Variants in PDZD8 observed in about 807,000 individuals in gnomAD.
The protein encoded by PDZD8 is PDZ domain-containing protein 8.
A neutral mutation model predicts 85.8 loss-of-function variants in PDZD8; 14 were observed. That is an observed-to-expected ratio of 0.16 (90% CI 0.11 to 0.26). The LOEUF (loss-of-function observed/expected upper bound fraction) is 0.26, where lower values mean the gene tolerates loss of function less well. Ranked by LOEUF, PDZD8 falls within the 10% of genes least tolerant of loss-of-function variation. The probability of loss-of-function intolerance (pLI) is 1.00; values close to 1 mark genes in which losing one functional copy is unlikely to be tolerated. For synonymous variants in PDZD8, 592 were observed against 568.6 expected (o/e 1.04, Z -0.59); for missense variants, 1,197 against 1,424.3 (o/e 0.84, Z 2.57).
At chr10:117,350,955 A>T (rs1398929419) in intron 1 of PDZD8, among the ~76,000 whole-genome samples, 2 of 152,008 alleles carry the variant, frequency 1.3e-5, no homozygotes, top group Non-Finnish European at 2.9e-5. Context: ...AGCTTAGGGC[A>T]GGAAAGTAAA....
intron 1 of PDZD8, among the ~76,000 whole-genome samples, chr10:117,350,876 C>G (rs1028343818): frequency 2.8e-5 from 4 of 142,650 alleles, no homozygotes; most frequent in African/African-American, 1.1e-4. Context: ...TGCACTCCAG[C>G]CTGGGTGACA....
At chr10:117,328,797 A>G (rs1352192759) in intron 2 of PDZD8, among the ~76,000 whole-genome samples, 1 of 152,154 alleles carries the variant, frequency 6.6e-6, no homozygotes, top group African/African-American at 2.4e-5. Flanking sequence ...TCATAAATAA[A>G]AGCCAATTAG....
chr10:117,362,508 T>C (rs1845015936), intron 1 of PDZD8, among the ~76,000 whole-genome samples: 1 of 152,090 alleles, frequency 6.6e-6, no homozygotes, highest in African/African-American at 2.4e-5. Flanking sequence ...AGAGGCCAAG[T>C]TACTTTCAAG....
rs193056658 is a variant in PDZD8, at chr10:117,371,708, G to C, written c.872+2648C>G. ...CCAGCACTTTGGGAGGCTGAGGTGG[G>C]AGGATCACTTGAATGAACCCAGGAG... is the stretch of plus-strand genomic sequence containing the variant. On this transcript the variant is annotated intron_variant, in intron 1 of 4. Transcript: ENST00000334464. Among the ~76,000 whole-genome samples, 486 of 152,312 alleles carry C rather than the reference G, an allele frequency of 3.2e-3. 3 individuals carry two copies. The highest frequency in any genetic ancestry group is 6.6e-3 in the Admixed American group (101 of 15,306).
At chr10:117,294,327 C>CAAAAAAAA (rs71013656) in intron 3 of PDZD8, among the ~76,000 whole-genome samples, 32 of 142,560 alleles carry the variant, frequency 2.2e-4, no homozygotes, top group African/African-American at 8.4e-4. Context: ...ACCAAAAAGA[C>CAAAAAAAA]AAAAAAAAAA....
chr10:117,324,979 G>A (rs1253635471), intron 2 of PDZD8, among the ~76,000 whole-genome samples: 2 of 152,068 alleles, frequency 1.3e-5, no homozygotes, highest in South Asian at 2.1e-4. Context: ...ATTTATGAAA[G>A]TTTCTTAAGA....
Position 117,284,908 on chromosome 10 carries a change from G to T in PDZD8, c.1825C>A (p.Gln609Lys), listed in dbSNP as rs1263636694. 1 of 1,614,210 alleles carries T rather than the reference G, an allele frequency of 6.2e-7. No homozygotes were observed. Among genetic ancestry groups the T allele is most frequent in the Admixed American group, 1.7e-5 (1 of 60,028 alleles). Residue 609 changes from glutamine (Q) to lysine (K), a missense_variant, in exon 5 of 5, where the codon CAG becomes AAG. Physicochemically the swap from Gln to Lys is moderately conservative, Grantham distance 53. Transcript: ENST00000334464. The part of the protein sequence containing the change: ...VPLPSADAPN[Q>K]AEPDVLVEKP... ...TCAACGAGAACATCTGGTTCTGCCT[G>T]ATTTGGAGCATCGGCGGAAGGCAAA...
chr10:117,365,409 TAC>T (rs547430370), intron 1 of PDZD8, among the ~76,000 whole-genome samples: 88 of 152,288 alleles, frequency 5.8e-4, no homozygotes, highest in Non-Finnish European at 1.0e-3. Context: ...CAAATTATAA[TAC>T]ATTTAGAAAA....
chr10:117,290,163 A>C, intron 4 of PDZD8, 23 bp downstream of exon 4: 2 of 1,602,526 alleles, frequency 1.2e-6, no homozygotes, highest in Non-Finnish European at 1.7e-6. Flanking sequence ...AAGGTAAAGT[A>C]TAATGCATAT....
chr10:117,361,965 G>C (rs1278697845), intron 1 of PDZD8, among the ~76,000 whole-genome samples: 1 of 152,112 alleles, frequency 6.6e-6, no homozygotes, highest in African/African-American at 2.4e-5. Context: ...TCAGGGACTT[G>C]AGCATCTGTG....
At position 117,374,992 on chromosome 10, in the gene PDZD8, G is replaced by A; in HGVS notation, c.236C>T (p.Thr79Ile). 6.3e-7 allele frequency: 1 copy of A among 1,593,184 alleles called. No individual in the cohort carries two copies. Among genetic ancestry groups the A allele is most frequent in the South Asian group, 1.1e-5 (1 of 89,428 alleles). ...GGGGGTCTCGGGGGCCGCGGTGGGG[G>A]TCGCGCCGCCCTCAGGGGCCGCTCC... is the stretch of plus-strand genomic sequence containing the variant. ...PSGAAPEGGA[T>I]PTAAPETPAP... is the part of the protein sequence containing the mutation. The change falls in exon 1 of 5, where the codon ACC becomes ATC. Residue 79 changes from threonine to isoleucine, a missense_variant. By Grantham distance (89) the Thr-to-Ile change is moderately conservative (BLOSUM62 -1). Coordinates refer to ENST00000334464, the MANE Select transcript of PDZD8 (RefSeq NM_173791.5). This position sits in a 1 kb window ranked among gnomAD's most constrained non-coding sequence, Gnocchi z 7.8.
At chr10:117,372,678 A>G (rs1479186647) in intron 1 of PDZD8, among the ~76,000 whole-genome samples, 1 of 152,218 alleles carries the variant, frequency 6.6e-6, no homozygotes, top group Non-Finnish European at 1.5e-5. Context: ...TAGGTTTCAT[A>G]AAGTATGTTC....
At chr10:117,327,271 G>T (rs895562477) in intron 2 of PDZD8, among the ~76,000 whole-genome samples, 7 of 152,176 alleles carry the variant, frequency 4.6e-5, no homozygotes, top group African/African-American at 1.4e-4. Context: ...TCTCACCTAG[G>T]TGAGACTGTG....
chr10:117,371,017 A>T (rs1845180574), intron 1 of PDZD8, among the ~76,000 whole-genome samples: 2 of 151,646 alleles, frequency 1.3e-5, no homozygotes, highest in South Asian at 4.2e-4. Context: ...GACTTTAAGC[A>T]AGTTATTTAA....
chr10:117,300,543 T>C (rs541581517), intron 3 of PDZD8, among the ~76,000 whole-genome samples: 2 of 152,284 alleles, frequency 1.3e-5, no homozygotes, highest in South Asian at 2.1e-4. Flanking sequence ...CATGAGAATA[T>C]AAAAAAGCTC....
chr10:117,350,833 G>A (rs977883257), intron 1 of PDZD8, among the ~76,000 whole-genome samples: 2 of 150,816 alleles, frequency 1.3e-5, no homozygotes, highest in Non-Finnish European at 2.9e-5. Context: ...GAACCTGGGA[G>A]GCAGAGCTTG....
chr10:117,284,596 T>C lies in PDZD8; in HGVS notation c.2137A>G (p.Ile713Val), dbSNP rs911815844. Residue 713 changes from isoleucine to valine, a missense_variant, in exon 5 of 5, where the codon ATT becomes GTT. Physicochemically the swap from Ile to Val is conservative, Grantham distance 29 (BLOSUM62 3). Transcript: ENST00000334464. ...DIEACHRYLN[I>V]ALWCRDPFKL... ...AAAGGATCCCTGCACCACAATGCAA[T>C]GTTTAAGTACCTGTGACAGGCTTCT... 3.7e-6 allele frequency: 6 copies of C among 1,614,064 alleles called. No individual in the cohort carries two copies. In the African/African-American group the frequency reaches 6.7e-5, roughly 18 times the overall value.
intron 3 of PDZD8, among the ~76,000 whole-genome samples, chr10:117,315,473 T>C (rs753202349): frequency 3.1e-4 from 47 of 149,988 alleles, no homozygotes; most frequent in Non-Finnish European, 5.6e-4. Flanking sequence ...TGCACGCCTG[T>C]AGTCCCAGCT....
chr10:117,329,965 A>AAGGGAAGGAAGGAAGG (rs1171351227), intron 2 of PDZD8, among the ~76,000 whole-genome samples: 1 of 81,822 alleles, frequency 1.2e-5, no homozygotes, highest in Non-Finnish European at 2.6e-5. Context: ...AGGAGGGAGG[A>AAGGGAAGGAAGGAAGG]AGGGAAGGAA....
Sources: gnomAD v4.1 joint callset for allele counts (sites outside exome capture counted in the v4.1 genomes callset) on GRCh38, gnomAD v4.1.1 for gene constraint, Gnocchi (gnomAD v3.1) non-coding constraint, MANE v1.5 for transcripts, NCBI Gene and HGNC (gene_info 2026-07-23, HGNC 2026-07-21) for gene names.